Variants in THSD4 observed in about 807,000 individuals in gnomAD.
The protein encoded by THSD4 is thrombospondin type 1 domain containing 4, also known as thrombospondin type-1 domain-containing protein 4.
Under a neutral mutation model 119.0 loss-of-function variants are expected in THSD4, and 69 were observed. The ratio of observed to expected loss-of-function variants is 0.58; its 90% CI spans 0.48 to 0.71. THSD4 has a LOEUF of 0.71. THSD4 is among the 30% of genes least tolerant of loss of function. The pLI is 0.00. For missense variants in THSD4, 1,393 were observed against 1,391.1 expected (o/e 1.00, Z -0.02); for synonymous variants, 524 against 540.4 (o/e 0.97, Z 0.42).
intron 4 of THSD4, among the ~76,000 whole-genome samples, chr15:71,237,319 A>G (rs894891585): frequency 2.0e-5 from 3 of 152,172 alleles, no homozygotes; most frequent in African/African-American, 7.2e-5. Context: ...GCCCTAGACC[A>G]ATGGAATCGG....
intron 8 of THSD4, among the ~76,000 whole-genome samples, chr15:71,727,864 A>G (rs1315242608): frequency 6.6e-6 from 1 of 151,828 alleles, no homozygotes; most frequent in Non-Finnish European, 1.5e-5. Context: ...CCATATTCAT[A>G]AATAAAGGGG....
intron 7 of THSD4, among the ~76,000 whole-genome samples, chr15:71,594,186 G>A (rs11637110): frequency 0.079 from 11,960 of 151,370 alleles, 524 homozygotes; most frequent in South Asian, 0.12. Flanking sequence ...TTTCACTCCA[G>A]TCTGTTCCCA....
intron 6 of THSD4, among the ~76,000 whole-genome samples, chr15:71,272,450 G>C (rs575567659): frequency 1.4e-5 from 2 of 147,230 alleles, no homozygotes; most frequent in Non-Finnish European, 3.0e-5. Flanking sequence ...GAGGGGCAAA[G>C]GACCTGAATA....
At chr15:71,251,779 C>T (rs1022690974) in intron 5 of THSD4, among the ~76,000 whole-genome samples, 4 of 152,110 alleles carry the variant, frequency 2.6e-5, no homozygotes, top group Admixed American at 2.0e-4. Flanking sequence ...CTGATGGTGG[C>T]TCTTGAGCAG....
At chr15:71,513,111 A>T (rs945277418) in intron 7 of THSD4, among the ~76,000 whole-genome samples, 5 of 118,162 alleles carry the variant, frequency 4.2e-5, no homozygotes, top group Admixed American at 9.6e-5. Context: ...GAGGAATCTC[A>T]TGGGAGACCA....
intron 6 of THSD4, among the ~76,000 whole-genome samples, chr15:71,267,969 A>G (rs1317156869): frequency 1.3e-5 from 2 of 152,234 alleles, no homozygotes; most frequent in African/African-American, 2.4e-5. Context: ...ACAACTTCTT[A>G]GAGACCTACA....
chr15:71,689,233 T>C (rs1046836667), intron 8 of THSD4, among the ~76,000 whole-genome samples: 1 of 152,200 alleles, frequency 6.6e-6, no homozygotes, highest in East Asian at 1.9e-4. Context: ...TGGTGTGGCC[T>C]CTCTGCTCTG....
chr15:71,597,072 T>C (rs1047672133), intron 7 of THSD4, among the ~76,000 whole-genome samples: 1 of 152,240 alleles, frequency 6.6e-6, no homozygotes, highest in Non-Finnish European at 1.5e-5. Context: ...AGTTTCACTT[T>C]GAAGTTGTTT....
intron 7 of THSD4, among the ~76,000 whole-genome samples, chr15:71,505,715 A>G (rs1394881104): frequency 6.6e-6 from 1 of 152,244 alleles, no homozygotes; most frequent in Non-Finnish European, 1.5e-5. Context: ...AATGGTAATG[A>G]AATGCCAAAT....
chr15:71,460,255 A>G (rs2047408816), intron 7 of THSD4, among the ~76,000 whole-genome samples: 1 of 152,108 alleles, frequency 6.6e-6, no homozygotes, highest in African/African-American at 2.4e-5. Flanking sequence ...ACCAGCATTC[A>G]TAAAAATATA....
At chr15:71,756,735 G>C (rs893629198) in intron 14 of THSD4, among the ~76,000 whole-genome samples, 1 of 152,154 alleles carries the variant, frequency 6.6e-6, no homozygotes. Context: ...CTGAGATCAC[G>C]CCACCTGGGT....
intron 8 of THSD4, among the ~76,000 whole-genome samples, chr15:71,687,289 A>G (rs2051931150): frequency 6.6e-6 from 1 of 152,206 alleles, no homozygotes; most frequent in Admixed American, 6.5e-5. Flanking sequence ...TTTATTCTAT[A>G]TGAAAAATTA....
chr15:71,377,833 T>A (rs897213130), intron 6 of THSD4, among the ~76,000 whole-genome samples: 11 of 138,918 alleles, frequency 7.9e-5, no homozygotes, highest in African/African-American at 2.3e-4. Flanking sequence ...GTGATCACAC[T>A]CTTGCCTTCT....
intron 8 of THSD4, among the ~76,000 whole-genome samples, chr15:71,721,047 G>T (rs937263258): frequency 9.2e-5 from 14 of 152,158 alleles, no homozygotes; most frequent in Non-Finnish European, 1.8e-4. Context: ...CAAGTGGTTG[G>T]GTCATCATCA....
intron 3 of THSD4, among the ~76,000 whole-genome samples, chr15:71,172,408 A>G (rs1025794928): frequency 6.6e-6 from 1 of 151,978 alleles, no homozygotes; most frequent in Non-Finnish European, 1.5e-5. Context: ...TAAGATAACC[A>G]TTCTCTTCAA....
chr15:71,131,426 C>T (rs1013891098), intron 1 of THSD4, among the ~76,000 whole-genome samples: 6 of 150,042 alleles, frequency 4.0e-5, no homozygotes, highest in East Asian at 2.0e-4. Context: ...TGGCCGGGCA[C>T]GGGTGGCTCG....
chr15:71,675,338 C>T (rs776850974), intron 8 of THSD4, among the ~76,000 whole-genome samples: 17 of 152,162 alleles, frequency 1.1e-4, no homozygotes, highest in Admixed American at 5.2e-4. Context: ...ATCTCTCCAG[C>T]TCGGTACTTA....
intron 8 of THSD4, among the ~76,000 whole-genome samples, chr15:71,674,714 A>G (rs2051604349): frequency 6.6e-6 from 1 of 152,082 alleles, no homozygotes; most frequent in African/African-American, 2.4e-5. Flanking sequence ...CCCGCTCCCC[A>G]TACATTTGGC....
At chr15:71,304,679 A>G (rs750640728) in intron 6 of THSD4, among the ~76,000 whole-genome samples, 14 of 152,170 alleles carry the variant, frequency 9.2e-5, no homozygotes, top group Non-Finnish European at 1.6e-4. Flanking sequence ...GAAGATGCCT[A>G]AAGGAGTTTC....
Sources: gnomAD v4.1 joint callset for allele counts (sites outside exome capture counted in the v4.1 genomes callset) on GRCh38, gnomAD v4.1.1 for gene constraint, MANE v1.5 for transcripts, NCBI Gene and HGNC (gene_info 2026-07-23, HGNC 2026-07-21) for gene names.